GRB10: variants seen among roughly 807,000 people sequenced by gnomAD.
GRB10 encodes the protein growth factor receptor bound protein 10, also known as growth factor receptor-bound protein 10.
GRB10 carries 20 observed loss-of-function variants against 80.9 expected under a neutral mutation model. The ratio of observed to expected loss-of-function variants is 0.25; its 90% confidence interval spans 0.17 to 0.36. GRB10 has a LOEUF of 0.36. Ranked by LOEUF, GRB10 falls within the 10% of genes least tolerant of loss-of-function variation. The pLI is 1.00. For synonymous variants in GRB10, 291 were observed against 291.5 expected, an observed-to-expected ratio of 1.00 and a Z score of 0.02; for missense variants, 548 against 747.7, an observed-to-expected ratio of 0.73 and a Z score of 3.12.
chr7:50,628,395 G>A (rs1298914225), intron 7 of GRB10, among the ~76,000 whole-genome samples: 1 of 152,136 alleles, frequency 6.6e-6, no homozygotes, highest in South Asian at 2.1e-4. Context: ...TTCTGTGGCC[G>A]GCGTGGAGTC....
intron 5 of GRB10, 54 bp downstream of exon 5, chr7:50,703,767 G>C: frequency 8.3e-7 from 1 of 1,203,950 alleles, no homozygotes; most frequent in Non-Finnish European, 1.2e-6. Flanking sequence ...TCAGATCTGG[G>C]CACTGCTGCA....
intron 1 of GRB10, chr7:50,792,515 A>C (rs376187587): frequency 1.3e-5 from 5 of 398,502 alleles, no homozygotes; most frequent in Non-Finnish European, 2.2e-5. Flanking sequence ...GCAAAGGCGA[A>C]GAGTTGCATC....
chr7:50,698,400 A>C (rs1301604584), intron 5 of GRB10, among the ~76,000 whole-genome samples: 1 of 152,246 alleles, frequency 6.6e-6, no homozygotes, highest in African/African-American at 2.4e-5. Context: ...GCCTAAGAGA[A>C]TAAAGATTCT....
intron 5 of GRB10, among the ~76,000 whole-genome samples, chr7:50,676,469 C>G (rs1009276077): frequency 2.6e-5 from 4 of 151,824 alleles, no homozygotes; most frequent in African/African-American, 9.7e-5. Flanking sequence ...AAAAAGTGAT[C>G]GTTATTAACC....
intron 2 of GRB10, among the ~76,000 whole-genome samples, chr7:50,766,494 G>A (rs2076351281): frequency 6.6e-6 from 1 of 152,108 alleles, no homozygotes; most frequent in African/African-American, 2.4e-5. Context: ...TTAAAAAAAA[G>A]GGGCGGGTTA....
At chr7:50,629,990 T>C (rs1252541508) in intron 7 of GRB10, among the ~76,000 whole-genome samples, 1 of 152,146 alleles carries the variant, frequency 6.6e-6, no homozygotes, top group African/African-American at 2.4e-5. Context: ...AAGGTATGAC[T>C]TGTTTAGGGA....
At chr7:50,654,700 T>C (rs2058438382) in intron 7 of GRB10, among the ~76,000 whole-genome samples, 1 of 152,228 alleles carries the variant, frequency 6.6e-6, no homozygotes, top group Non-Finnish European at 1.5e-5. Flanking sequence ...TTCTTCACCT[T>C]AGTACTCCAA....
intron 2 of GRB10, among the ~76,000 whole-genome samples, chr7:50,772,346 T>C (rs539438398): frequency 8.5e-5 from 13 of 152,362 alleles, no homozygotes; most frequent in African/African-American, 3.1e-4. Flanking sequence ...TCTGGTCTTC[T>C]AGACCACATT....
At chr7:50,771,668 C>T (rs1305312738) in intron 2 of GRB10, among the ~76,000 whole-genome samples, 3 of 152,172 alleles carry the variant, frequency 2.0e-5, no homozygotes, top group African/African-American at 7.2e-5. Context: ...CTGCTCTTGG[C>T]TATCTGTGCC....
At chr7:50,626,495 C>T (rs2052925219) in intron 8 of GRB10, among the ~76,000 whole-genome samples, 1 of 152,204 alleles carries the variant, frequency 6.6e-6, no homozygotes, top group Non-Finnish European at 1.5e-5. Flanking sequence ...CCCTCCTGTC[C>T]CCCGCCCACA....
intron 4 of GRB10, among the ~76,000 whole-genome samples, chr7:50,728,694 C>G (rs532394570): frequency 6.6e-6 from 1 of 152,100 alleles, no homozygotes; most frequent in African/African-American, 2.4e-5. Context: ...TTTTTGAGAC[C>G]GGGTCTTGCT....
At chr7:50,642,524 C>A (rs1307566367) in intron 7 of GRB10, among the ~76,000 whole-genome samples, 5 of 152,094 alleles carry the variant, frequency 3.3e-5, no homozygotes, top group South Asian at 4.2e-4. Flanking sequence ...ACATATAGGT[C>A]GAGTATTGCT....
intron 7 of GRB10, among the ~76,000 whole-genome samples, chr7:50,648,918 T>C (rs1476721266): frequency 7.9e-5 from 12 of 152,188 alleles, no homozygotes; most frequent in Non-Finnish European, 1.8e-4. Flanking sequence ...TCGGGCTAGC[T>C]CCTGATGGAT....
intron 5 of GRB10, among the ~76,000 whole-genome samples, chr7:50,687,397 C>T (rs1009362225): frequency 2.0e-5 from 3 of 152,182 alleles, no homozygotes; most frequent in Non-Finnish European, 2.9e-5. Flanking sequence ...TCCTCTATGG[C>T]GAGCCTTCAC....
At chr7:50,653,575 T>C (rs923030848) in intron 7 of GRB10, among the ~76,000 whole-genome samples, 1 of 152,122 alleles carries the variant, frequency 6.6e-6, no homozygotes, top group African/African-American at 2.4e-5. Context: ...CCTGCATGTG[T>C]TCCAAGCCAC....
rs532975712 is a variant in GRB10 at position 50,716,490 on chromosome 7, G to A, written c.52-12582C>T. Among the ~76,000 whole-genome samples, 6 of 152,270 alleles carry A rather than the reference G, an allele frequency of 3.9e-5. No homozygotes were observed. In the East Asian group the frequency reaches 1.2e-3, roughly 29 times the overall value. On this transcript the variant is annotated intron_variant, in intron 4 of 18. Transcript: ENST00000401949. The stretch of plus-strand genomic sequence containing the variant: ...GAAAATAAAACCCATAACGATAAGG[G>A]AAATCAGCCAAGAGAAACGGATACA...
At chr7:50,694,007 T>G (rs1248092053) in intron 5 of GRB10, among the ~76,000 whole-genome samples, 2 of 151,606 alleles carry the variant, frequency 1.3e-5, no homozygotes, top group African/African-American at 4.8e-5. Context: ...GCTTCTGTTA[T>G]GGAGAATAGA....
intron 5 of GRB10, among the ~76,000 whole-genome samples, chr7:50,677,425 G>A (rs2061075629): frequency 6.6e-6 from 1 of 152,168 alleles, no homozygotes; most frequent in African/African-American, 2.4e-5. Context: ...AAGGCTTGTG[G>A]CCTCAGGGAG....
rs149149634 is a variant in GRB10 at position 50,723,752 on chromosome 7, T to C, written c.51+8520A>G. On this transcript the variant is annotated intron_variant, in intron 4 of 18. Transcript: ENST00000401949. ...CTGAAGCGGTACTGGGATTCAAACCTGGGGCCTGCATGCCTCCTGGGCTGG... is the reference window on the plus strand; with the variant it reads ...CTGAAGCGGTACTGGGATTCAAACCCGGGGCCTGCATGCCTCCTGGGCTGG... 1.9e-3 allele frequency among the ~76,000 whole-genome samples: 291 copies of C among 152,322 alleles called. 1 individual carries two copies. Among genetic ancestry groups the C allele is most frequent in the African/African-American group, 6.8e-3 (282 of 41,568 alleles).
Sources: gnomAD v4.1 joint callset for allele counts (sites outside exome capture counted in the v4.1 genomes callset) on GRCh38, gnomAD v4.1.1 for gene constraint, MANE v1.5 for transcripts, NCBI Gene and HGNC (gene_info 2026-07-23, HGNC 2026-07-21) for gene names.